Variants in CACNA2D3 observed in about 807,000 individuals in gnomAD.
CACNA2D3 encodes the protein calcium voltage-gated channel auxiliary subunit alpha2delta 3, also known as voltage-dependent calcium channel subunit alpha-2/delta-3.
In CACNA2D3, 60 loss-of-function variants were observed where a neutral mutation model predicts 160.6. The observed-to-expected ratio is 0.37, with a 90% CI of 0.30 to 0.46. The LOEUF (loss-of-function observed/expected upper bound fraction) is 0.46. CACNA2D3 is among the 20% of genes least tolerant of loss of function. The probability of loss-of-function intolerance (pLI) is 1.00; values close to 1 mark genes in which losing one functional copy is unlikely to be tolerated. For synonymous variants in CACNA2D3, 558 were observed against 492.9 expected, an observed-to-expected ratio of 1.13 and a Z score of -1.75; for missense variants, 1,205 against 1,365.0, an observed-to-expected ratio of 0.88 and a Z score of 1.85.
At chr3:54,440,054 G>A (rs1234743910) in intron 4 of CACNA2D3, among the ~76,000 whole-genome samples, 1 of 152,138 alleles carries the variant, frequency 6.6e-6, no homozygotes, top group Non-Finnish European at 1.5e-5. Context: ...ACCCAGCAGG[G>A]CTGGCTTGTG....
At chr3:54,361,479 T>C (rs2107541615) in intron 3 of CACNA2D3, among the ~76,000 whole-genome samples, 1 of 152,336 alleles carries the variant, frequency 6.6e-6, no homozygotes, top group African/African-American at 2.4e-5. Flanking sequence ...GTTTTTTCAT[T>C]TGAGGATCAG....
chr3:54,828,256 G>T (rs35985733), intron 14 of CACNA2D3, among the ~76,000 whole-genome samples: 2,584 of 152,216 alleles, frequency 0.017, 31 homozygotes, highest in Non-Finnish European at 0.027. Flanking sequence ...ACCATGGGGG[G>T]TCAATTATGT....
chr3:54,238,704 A>G (rs1701925585), intron 2 of CACNA2D3, among the ~76,000 whole-genome samples: 1 of 152,208 alleles, frequency 6.6e-6, no homozygotes, highest in Non-Finnish European at 1.5e-5. Context: ...AATAATGTAA[A>G]AAAGAGGCTT....
chr3:55,041,027 T>A (rs998129744), intron 35 of CACNA2D3, among the ~76,000 whole-genome samples: 3 of 152,182 alleles, frequency 2.0e-5, no homozygotes, highest in African/African-American at 7.2e-5. Context: ...AAGCATATCA[T>A]ACACACTCTT....
At chr3:54,367,629 C>A in intron 3 of CACNA2D3, 1 of 330,238 alleles carries the variant, frequency 3.0e-6, no homozygotes. Context: ...TGAACGACCC[C>A]TGGCCACAAG....
intron 2 of CACNA2D3, among the ~76,000 whole-genome samples, chr3:54,168,271 A>C (rs904518523): frequency 6.6e-6 from 1 of 152,210 alleles, no homozygotes; most frequent in African/African-American, 2.4e-5. Context: ...TATGGAATGA[A>C]TGAGTTTGTA....
At chr3:54,852,560 G>A (rs1040839851) in intron 17 of CACNA2D3, among the ~76,000 whole-genome samples, 22 of 152,150 alleles carry the variant, frequency 1.4e-4, no homozygotes, top group African/African-American at 5.1e-4. Context: ...GATGGCACTC[G>A]CCTTTCCCTG....
In CACNA2D3 at chr3:54,472,096, A is replaced by G. The variant is rs553747802; in HGVS notation, c.382-31396A>G. 1.1e-3 allele frequency among the ~76,000 whole-genome samples: 160 copies of G among 152,314 alleles called. 3 individuals carry two copies. Among genetic ancestry groups the G allele is most frequent in the Non-Finnish European group, 3.1e-4 (21 of 68,024 alleles). ...AAAACCTGGCAGAGACACAAGAAAA[A>G]AAGAAAATTTCAGGCCAGTATCCCT... On this transcript the variant is annotated intron_variant, in intron 4 of 37. Transcript: ENST00000474759.
At chr3:54,930,195 C>G (rs1701149088) in intron 27 of CACNA2D3, among the ~76,000 whole-genome samples, 1 of 152,102 alleles carries the variant, frequency 6.6e-6, no homozygotes, top group African/African-American at 2.4e-5. Context: ...TCTGGTTATC[C>G]CATCCTCTGG....
intron 2 of CACNA2D3, among the ~76,000 whole-genome samples, chr3:54,138,376 C>T (rs1473169544): frequency 6.6e-6 from 1 of 152,194 alleles, no homozygotes; most frequent in African/African-American, 2.4e-5. Flanking sequence ...TGGAAGAGGG[C>T]AGTCTGTGAA....
chr3:54,516,080 T>C (rs951371592), intron 5 of CACNA2D3, among the ~76,000 whole-genome samples: 10 of 152,200 alleles, frequency 6.6e-5, no homozygotes, highest in African/African-American at 2.4e-4. Context: ...ATTGGGGGTT[T>C]GGGCCAGGGG....
chr3:54,844,466 G>T (rs1441400951), intron 16 of CACNA2D3, among the ~76,000 whole-genome samples: 1 of 152,154 alleles, frequency 6.6e-6, no homozygotes, highest in Non-Finnish European at 1.5e-5. Context: ...CATTCTGGGG[G>T]AGGAAGCAGA....
Position 54,885,261 on chromosome 3 carries a change from C to G in CACNA2D3, c.1913-20C>G, listed in dbSNP as rs564836618. The G allele has an allele frequency of 6.8e-6, 11 of 1,613,412 alleles. No individual in the cohort carries two copies. In the South Asian group the frequency reaches 1.1e-4, roughly 16 times the overall value. On this transcript the variant is annotated intron_variant, in intron 21 of 37. Transcript: ENST00000474759. Reference sequence around the variant, plus strand: ...GGGGGAGTGATACTTATTCATGAACCCCTTCTCCTTGACCCCCAGGCCTGC... The same window carrying G: ...GGGGGAGTGATACTTATTCATGAACGCCTTCTCCTTGACCCCCAGGCCTGC...
chr3:54,385,145 T>A (rs2106656777), intron 3 of CACNA2D3, among the ~76,000 whole-genome samples: 1 of 152,340 alleles, frequency 6.6e-6, no homozygotes, highest in East Asian at 1.9e-4. Context: ...CAAACTTTAG[T>A]GGCATCAGAA....
At chr3:54,870,472 C>T (rs778174117) in intron 17 of CACNA2D3, among the ~76,000 whole-genome samples, 10 of 152,212 alleles carry the variant, frequency 6.6e-5, no homozygotes, top group Middle Eastern at 3.4e-3. Flanking sequence ...TGCCATTAAC[C>T]GTAACTGATG....
intron 13 of CACNA2D3, among the ~76,000 whole-genome samples, 180 bp downstream of exon 13, chr3:54,764,531 A>G (rs1047149055): frequency 6.6e-6 from 1 of 152,204 alleles, no homozygotes; most frequent in South Asian, 2.1e-4. Flanking sequence ...ATAACGTACT[A>G]GAAAGTATGA....
chr3:55,007,994 C>T (rs1233324563), intron 33 of CACNA2D3, among the ~76,000 whole-genome samples, 152 bp downstream of exon 33: 1 of 152,114 alleles, frequency 6.6e-6, no homozygotes, highest in Non-Finnish European at 1.5e-5. Context: ...AAATATTGAA[C>T]ACAGAGACCA....
chr3:54,857,441 C>T (rs575531948), intron 17 of CACNA2D3, among the ~76,000 whole-genome samples: 19 of 152,186 alleles, frequency 1.2e-4, no homozygotes, highest in African/African-American at 2.2e-4. Flanking sequence ...CAAGATGTGA[C>T]GAGAAATTAG....
At chr3:54,224,992 T>C (rs1265016376) in intron 2 of CACNA2D3, among the ~76,000 whole-genome samples, 2 of 149,198 alleles carry the variant, frequency 1.3e-5, no homozygotes, top group African/African-American at 5.0e-5. Context: ...CTAGGGTACA[T>C]GCGCATAACG....
Sources: allele counts gnomAD v4.1 joint callset (sites outside exome capture counted in the v4.1 genomes callset), GRCh38; gene constraint gnomAD v4.1.1; transcripts MANE v1.5; gene names NCBI Gene and HGNC (gene_info 2026-07-23, HGNC 2026-07-21).